NLGN4Y: variants seen among roughly 807,000 people sequenced by gnomAD.
NLGN4Y encodes neuroligin 4 Y-linked.
NLGN4Y carries 4 observed loss-of-function variants against 8.4 expected under a neutral mutation model. The observed-to-expected ratio is 0.48, with a 90% confidence interval of 0.23 to 1.09. NLGN4Y has a LOEUF of 1.09. Among genes scored for constraint, NLGN4Y ranks in the 50% least tolerant of loss-of-function variants. The pLI is 0.19. For synonymous variants in NLGN4Y, 35 were observed against 75.6 expected, an observed-to-expected ratio of 0.46 and a Z score of 2.78; for missense variants, 90 against 192.3, an observed-to-expected ratio of 0.47 and a Z score of 3.15.
intron 2 of NLGN4Y, among the ~76,000 whole-genome samples, chrY:14,623,216 C>T: frequency 3.0e-5 from 1 of 33,712 alleles, no homozygotes; most frequent in Non-Finnish European, 7.4e-5. Flanking sequence ...CTACATTAGA[C>T]GTGATGTGTT....
chrY:14,525,794 T>A (rs2080091393), intron 1 of NLGN4Y, among the ~76,000 whole-genome samples: 1 of 32,101 alleles, frequency 3.1e-5, no homozygotes, highest in Non-Finnish European at 7.5e-5. Flanking sequence ...TATATTTTCT[T>A]AAAAGTGGGG....
intron 4 of NLGN4Y, among the ~76,000 whole-genome samples, chrY:14,821,087 G>T (rs2043120792): frequency 3.0e-5 from 1 of 33,583 alleles, no homozygotes. Context: ...GAATTCTAAA[G>T]AAAAATAGGA....
chrY:14,756,669 C>T, intron 4 of NLGN4Y, among the ~76,000 whole-genome samples: 5 of 24,606 alleles, frequency 2.0e-4, no homozygotes, highest in Admixed American at 8.7e-4. Context: ...TTCTGGAACC[C>T]GGGAAGTAGA....
chrY:14,597,127 C>T (rs2080404171), intron 1 of NLGN4Y, among the ~76,000 whole-genome samples: 1 of 30,898 alleles, frequency 3.2e-5, no homozygotes, highest in Non-Finnish European at 7.7e-5. Context: ...TGCAGACCTT[C>T]GCAGTGAATG....
At chrY:14,616,424 A>AT (rs1235647290) in intron 1 of NLGN4Y, among the ~76,000 whole-genome samples, 19 of 31,949 alleles carry the variant, frequency 5.9e-4, no homozygotes, top group Non-Finnish European at 1.3e-3. Flanking sequence ...TTTTTGAAGG[A>AT]TTTTTTGTGT....
intron 4 of NLGN4Y, among the ~76,000 whole-genome samples, chrY:14,790,188 A>G: frequency 3.0e-5 from 1 of 33,757 alleles, no homozygotes; most frequent in Non-Finnish European, 7.3e-5. Flanking sequence ...GCATATTTTT[A>G]TAAGACAGAA....
At chrY:14,792,117 T>C in intron 4 of NLGN4Y, among the ~76,000 whole-genome samples, 1 of 33,196 alleles carries the variant, frequency 3.0e-5, no homozygotes, top group African/African-American at 1.2e-4. Flanking sequence ...ATAATGTAGG[T>C]TTCCCTGTCT....
chrY:14,732,625 A>G (rs2080976703), intron 4 of NLGN4Y, among the ~76,000 whole-genome samples: 1 of 34,285 alleles, frequency 2.9e-5, no homozygotes. Context: ...TGTTTTACAA[A>G]TAATCTGAAG....
At chrY:14,770,595 G>A (rs2081104638) in intron 4 of NLGN4Y, among the ~76,000 whole-genome samples, 1 of 33,682 alleles carries the variant, frequency 3.0e-5, no homozygotes, top group African/African-American at 1.2e-4. Flanking sequence ...TGAATTTGAG[G>A]AAAAACCAGC....
At chrY:14,752,492 A>G in intron 4 of NLGN4Y, among the ~76,000 whole-genome samples, 2 of 33,488 alleles carry the variant, frequency 6.0e-5, no homozygotes, top group Non-Finnish European at 1.5e-4. Context: ...ATCTTTAAAC[A>G]TTGAACAGAC....
chrY:14,816,031 A>T (rs2043100661), intron 4 of NLGN4Y, among the ~76,000 whole-genome samples: 1 of 33,488 alleles, frequency 3.0e-5, no homozygotes. Flanking sequence ...TTGTCAGATG[A>T]TCTAGAGGAG....
chrY:14,774,846 GT>G (rs2081118824), intron 4 of NLGN4Y, among the ~76,000 whole-genome samples: 8 of 33,221 alleles, frequency 2.4e-4, no homozygotes, highest in African/African-American at 9.4e-4. Flanking sequence ...ATGAGTTCAT[GT>G]CTTTTGCAGG....
chrY:14,813,708 C>T (rs1037921012), intron 4 of NLGN4Y, among the ~76,000 whole-genome samples: 1 of 33,525 alleles, frequency 3.0e-5, no homozygotes, highest in Non-Finnish European at 7.4e-5. Flanking sequence ...ATCATATCAC[C>T]GAAAATATCT....
Position 14,697,738 on chromosome Y carries a change from G to A in NLGN4Y, c.473-21721G>A, listed in dbSNP as rs746334250. On this transcript the variant is annotated intron_variant, in intron 2 of 6. Coordinates refer to ENST00000684976, the MANE Select transcript of NLGN4Y (RefSeq NM_001365588.1). ...GAAATAGATTGTAGATTGGAGAGAC[G>A]GATAGATAGACATCTTAATTCCTGT... Among the ~76,000 whole-genome samples the A allele has an allele frequency of 1.2e-4, 4 of 32,230 alleles. No individual in the cohort carries two copies. The South Asian group carries it at 2.8e-3, about 23-fold the overall frequency. 86.5% of individuals were successfully genotyped at this position (32,230 alleles called of 37,273 possible).
chrY:14,838,147 A>T (rs903258222), intron 6 of NLGN4Y, among the ~76,000 whole-genome samples: 2 of 34,107 alleles, frequency 5.9e-5, no homozygotes, highest in Admixed American at 2.7e-4. Context: ...GAAGCAAAAG[A>T]AACATGAGAT....
At chrY:14,722,180 C>A (rs2080937122) in intron 3 of NLGN4Y, among the ~76,000 whole-genome samples, 1 of 32,971 alleles carries the variant, frequency 3.0e-5, no homozygotes, top group Admixed American at 2.8e-4. Context: ...AAGACATTTG[C>A]TTGGACATCT....
chrY:14,539,083 T>G (rs919442829), intron 1 of NLGN4Y, among the ~76,000 whole-genome samples: 1 of 34,160 alleles, frequency 2.9e-5, no homozygotes, highest in Admixed American at 2.6e-4. Context: ...TTCAGCTTCA[T>G]AGAGACACAG....
intron 2 of NLGN4Y, among the ~76,000 whole-genome samples, chrY:14,685,512 A>C: frequency 6.1e-5 from 2 of 32,972 alleles, no homozygotes; most frequent in Admixed American, 2.8e-4. Flanking sequence ...CGTGAACACG[A>C]ATATGCGAAG....
At position 14,842,716 on chromosome Y, in the gene NLGN4Y, A is replaced by G; in HGVS notation, c.*1454A>G. The G allele has an allele frequency of 8.3e-6, 1 of 120,376 alleles. No homozygotes were observed. The highest frequency in any genetic ancestry group is 1.0e-4 in the Admixed American group (1 of 9,656). 30.0% of individuals were successfully genotyped at this position (120,376 alleles called of 400,897 possible). ...AGAAGAATGGGGGAAAAAGGATAGA[A>G]TATTAAAACTGCTTTGCATAGGTTT... On this transcript the variant is annotated 3_prime_UTR_variant, in exon 7 of 7. Transcript: ENST00000684976.
Sources: gnomAD v4.1 joint callset for allele counts (sites outside exome capture counted in the v4.1 genomes callset) on GRCh38, gnomAD v4.1.1 for gene constraint, MANE v1.5 for transcripts, NCBI Gene and HGNC (gene_info 2026-07-23, HGNC 2026-07-21) for gene names.